The following C2orf68 variants were observed in gnomAD, a reference collection of about 807,000 sequenced individuals.
The protein encoded by C2orf68 is UPF0561 protein C2orf68.
C2orf68 carries 15 observed loss-of-function variants against 19.1 expected under a neutral mutation model. The ratio of observed to expected loss-of-function variants is 0.79; its 90% CI spans 0.53 to 1.21. C2orf68 has a LOEUF of 1.21. Among genes scored for constraint, C2orf68 ranks in the 50% most tolerant of loss-of-function variants. The pLI, the probability that C2orf68 is intolerant of heterozygous loss-of-function variation, is 0.00. For synonymous variants in C2orf68, 98 were observed against 91.0 expected (o/e 1.08, Z -0.44); for missense variants, 242 against 226.6 (o/e 1.07, Z -0.44).
chr2:85,611,814 A>T (rs1368251467), intron 1 of C2orf68, 28 bp from the exon 2 acceptor site: 2 of 1,608,178 alleles, frequency 1.2e-6, no homozygotes, highest in East Asian at 4.5e-5. Flanking sequence ...GGAGTCAGGG[A>T]CTGTCGGGCC....
At chr2:85,610,889 G>A (rs1213400443) in intron 2 of C2orf68, 1 of 151,550 alleles carries the variant, frequency 6.6e-6, no homozygotes, top group Non-Finnish European at 1.5e-5. Context: ...CTCCCGAGTA[G>A]CTGGGACTAC....
In C2orf68 at chr2:85,611,655, C is replaced by G. The variant is rs771022217; in HGVS notation, c.226+13G>C. 1 of 1,557,818 alleles carries G rather than the reference C, an allele frequency of 6.4e-7. No individual in the cohort carries two copies. Among genetic ancestry groups the G allele is most frequent in the Non-Finnish European group, 8.7e-7 (1 of 1,150,912 alleles). The stretch of plus-strand genomic sequence containing the variant: ...GCGCGCGGGCTGGAGGCAGGCGGGG[C>G]GGGCGGCCTCACCTCGGTGTCGCGG... On this transcript the variant is annotated intron_variant, in intron 2 of 3. Transcript: ENST00000306336.
intron 2 of C2orf68, chr2:85,611,126 G>A: frequency 2.5e-6 from 1 of 400,798 alleles, no homozygotes; most frequent in Non-Finnish European, 3.6e-6. Context: ...TGTGGTCCCA[G>A]GTACTCGGGA....
At chr2:85,609,619 G>A (rs200832393) in intron 2 of C2orf68, 33 bp from the exon 3 acceptor site, 12 of 1,612,548 alleles carry the variant, frequency 7.4e-6, no homozygotes, top group East Asian at 2.2e-5. Flanking sequence ...GAAAGAAGAG[G>A]GGGGGTGCTG....
chr2:85,608,701 CAAAAAAAAA>C lies in C2orf68; in HGVS notation c.*235_*243del, dbSNP rs5832651. On this transcript the variant is annotated 3_prime_UTR_variant, in exon 4 of 4. Transcript: ENST00000306336. ...GAACACATTAGCCACACAAAATCCT[CAAAAAAAAA>C]AAAAAAAAAAAAAAAAAAAGAATTC... 36 of 55,448 alleles carry C rather than the reference CAAAAAAAAA, an allele frequency of 6.5e-4. No homozygotes were observed. Among genetic ancestry groups the C allele is most frequent in the Middle Eastern group, 7.5e-3 (1 of 134 alleles). 3.4% of individuals were successfully genotyped at this position (55,448 alleles called of 1,614,324 possible).
At chr2:85,609,367 CAG>C in intron 3 of C2orf68, 66 bp downstream of exon 3, 2 of 1,570,822 alleles carry the variant, frequency 1.3e-6, no homozygotes, top group Non-Finnish European at 1.7e-6. Flanking sequence ...AAACAGGGCT[CAG>C]GGTCTGACAA....
rs1168978266 is a variant in C2orf68 at position 85,611,725 on chromosome 2, G to C, written c.169C>G (p.Pro57Ala). 1.2e-6 allele frequency: 2 copies of C among 1,604,964 alleles called. No homozygotes were observed. Among genetic ancestry groups the C allele is most frequent in the African/African-American group, 1.3e-5 (1 of 74,796 alleles). ...AKEKVRRRHTPAPTRPRKPDL... is the reference protein window; with the variant it reads ...AKEKVRRRHTAAPTRPRKPDL... ...GGCTTGCGGGGCCGCGTCGGCGCGG[G>C]CGTGTGCCGCCTCCTCACCTTCTCC... Residue 57 changes from proline to alanine, a missense_variant, in exon 2 of 4, where the codon CCC becomes GCC. Physicochemically the swap from Pro to Ala is conservative, Grantham distance 27 (BLOSUM62 -1). Coordinates refer to ENST00000306336, the MANE Select transcript of C2orf68 (RefSeq NM_001013649.4).
Position 85,612,061 on chromosome 2 carries a change from C to A in C2orf68, c.-77G>T. On this transcript the variant is annotated 5_prime_UTR_variant, in exon 1 of 4. Coordinates refer to ENST00000306336, the MANE Select transcript of C2orf68 (RefSeq NM_001013649.4). ...CACCCGCCCACAGAGCTCCGCGCCG[C>A]CCCTTGCTCAGCTTCCGGCCCCGCA... The A allele has an allele frequency of 8.6e-7, 1 of 1,168,144 alleles. No individual in the cohort carries two copies. 72.4% of individuals were successfully genotyped at this position (1,168,144 alleles called of 1,614,324 possible).
intron 3 of C2orf68, 134 bp from the exon 4 acceptor site, chr2:85,609,201 C>T (rs1034502921): frequency 7.5e-6 from 10 of 1,333,484 alleles, no homozygotes; most frequent in African/African-American, 7.3e-5. Flanking sequence ...TCCTATGTGT[C>T]TCCTGTAATA....
At position 85,607,773 on chromosome 2, in the gene C2orf68, G is replaced by C. The variant is rs1673270612; in HGVS notation, c.*1172C>G. 1 of 152,218 alleles carries C rather than the reference G, an allele frequency of 6.6e-6. No homozygotes were observed. The highest frequency in any genetic ancestry group is 2.4e-5 in the African/African-American group (1 of 41,450). The allele number at this position is 152,218 out of a possible 1,614,324, so 9.4% of individuals were successfully genotyped here. A position where few individuals can be genotyped will look rare whatever the true frequency, so the allele number is the denominator to read the frequency against. ...TATTTCAAGGCACTGAGGTTAGGCT[G>C]ATATGCTGGAAAACAAGTGCCTTGG... On this transcript the variant is annotated 3_prime_UTR_variant, in exon 4 of 4. Transcript: ENST00000306336.
In C2orf68 at chr2:85,605,804, C is replaced by A. The variant is rs1673191617; in HGVS notation, c.*3141G>T. 1.3e-5 allele frequency among the ~76,000 whole-genome samples: 2 copies of A among 152,342 alleles called. No individual in the cohort carries two copies. The highest frequency in any genetic ancestry group is 4.1e-4 in the South Asian group (2 of 4,828). ...CCTCCCACCTGGATGGGGCCAATCTCTAGTTGACAGTGCCCCTCAGAGTGC... is the reference window on the plus strand; with the variant it reads ...CCTCCCACCTGGATGGGGCCAATCTATAGTTGACAGTGCCCCTCAGAGTGC... On this transcript the variant is annotated 3_prime_UTR_variant, in exon 4 of 4. Coordinates refer to ENST00000306336, the MANE Select transcript of C2orf68 (RefSeq NM_001013649.4).
At chr2:85,609,341 T>G in intron 3 of C2orf68, 94 bp downstream of exon 3, 3 of 1,512,930 alleles carry the variant, frequency 2.0e-6, no homozygotes, top group Non-Finnish European at 1.8e-6. Flanking sequence ...ACGCTTCCCA[T>G]TGGGGGTCCT....
Position 85,608,768 on chromosome 2 carries a change from A to AT in C2orf68, c.*176dup, listed in dbSNP as rs1673316695. On this transcript the variant is annotated 3_prime_UTR_variant, in exon 4 of 4. Coordinates refer to ENST00000306336, the MANE Select transcript of C2orf68 (RefSeq NM_001013649.4). ...TCAGGCTGGGCAAATGGGTCAACAT[A>AT]TAAGAAAGAATGACTGCAAGGCAGG... The AT allele has an allele frequency of 3.5e-6, 2 of 579,250 alleles. No homozygotes were observed. The highest frequency in any genetic ancestry group is 5.6e-6 in the Non-Finnish European group (2 of 354,910). The allele number at this position is 579,250 out of a possible 1,614,324, so 35.9% of individuals were successfully genotyped here. A position where few individuals can be genotyped will look rare whatever the true frequency, so the allele number is the denominator to read the frequency against.
Position 85,611,887 on chromosome 2 carries a change from T to A in C2orf68, c.98A>T (p.Gln33Leu). Residue 33 changes from glutamine to leucine, a missense_variant, in exon 1 of 4, where the codon CAG (glutamine) becomes CTG (leucine). Coordinates refer to ENST00000306336, the MANE Select transcript of C2orf68 (RefSeq NM_001013649.4). ...HGFVHHIRRNQIARDDYDKKV... is the reference protein window; with the variant it reads ...HGFVHHIRRNLIARDDYDKKV... ...CAGGGCGGGGCGGTACCGAGCGATC[T>A]GGTTCCGTCGGATATGGTGCACGAA... The A allele has an allele frequency of 6.3e-7, 1 of 1,596,652 alleles. No individual in the cohort carries two copies. Among genetic ancestry groups the A allele is most frequent in the East Asian group, 2.3e-5 (1 of 44,326 alleles).
At position 85,606,149 on chromosome 2, in the gene C2orf68, T is replaced by C. The variant is rs1240082105; in HGVS notation, c.*2796A>G. Among the ~76,000 whole-genome samples, 2 of 152,244 alleles carry C rather than the reference T, an allele frequency of 1.3e-5. No homozygotes were observed. Among genetic ancestry groups the C allele is most frequent in the East Asian group, 3.8e-4 (2 of 5,202 alleles). The stretch of plus-strand genomic sequence containing the variant: ...CATTCCATATTGAATGGGCATGAGA[T>C]ATGCCTATCAGATTGTGTGTGTGTG... On this transcript the variant is annotated 3_prime_UTR_variant, in exon 4 of 4. Transcript: ENST00000306336.
At chr2:85,609,630 C>T in intron 2 of C2orf68, 44 bp from the exon 3 acceptor site, 1 of 1,610,234 alleles carries the variant, frequency 6.2e-7, no homozygotes, top group East Asian at 2.2e-5. Flanking sequence ...GGGGGTGCTG[C>T]TGAAGGCCCT....
rs766644750 is a variant in C2orf68, at chr2:85,609,603, C to T, written c.227-17G>A. 7 of 1,613,602 alleles carry T rather than the reference C, an allele frequency of 4.3e-6. No homozygotes were observed. The East Asian group carries it at 1.1e-4, about 26-fold the overall frequency. On this transcript the variant is annotated splice_polypyrimidine_tract_variant and intron_variant, in intron 2 of 3. Coordinates refer to ENST00000306336, the MANE Select transcript of C2orf68 (RefSeq NM_001013649.4). ...CAGAGACATCTGGAAGGATGAACCA[C>T]AGTAAGAAAGAAGAGGGGGGGTGCT... is the stretch of plus-strand genomic sequence containing the variant.
In C2orf68 at chr2:85,611,754, G is replaced by C; in HGVS notation, c.140C>G (p.Ala47Gly). The C allele has an allele frequency of 6.2e-7, 1 of 1,611,928 alleles. No homozygotes were observed. The highest frequency in any genetic ancestry group is 1.3e-5 in the African/African-American group (1 of 75,012). Residue 47 changes from alanine (A) to glycine (G), a missense_variant, in exon 2 of 4, where the codon GCC (alanine) becomes GGC (glycine). Ala to Gly is a moderately conservative substitution (Grantham distance 60). Transcript: ENST00000306336. ...DDYDKKVKQA[A>G]KEKVRRRHTP... ...GTGCCGCCTCCTCACCTTCTCCTTGGCCGCCTGCTTCACCTTCTTGTCATA... is the reference window on the plus strand; with the variant it reads ...GTGCCGCCTCCTCACCTTCTCCTTGCCCGCCTGCTTCACCTTCTTGTCATA...
At chr2:85,611,834 C>A in intron 1 of C2orf68, 44 bp downstream of exon 1, 3 of 1,605,788 alleles carry the variant, frequency 1.9e-6, no homozygotes, top group Non-Finnish European at 2.5e-6. Flanking sequence ...CGGGCCAGGC[C>A]AGGCCAGGAG....
Sources: allele counts gnomAD v4.1 joint callset (sites outside exome capture counted in the v4.1 genomes callset), GRCh38; gene constraint gnomAD v4.1.1; transcripts MANE v1.5; gene names NCBI Gene and HGNC (gene_info 2026-07-23, HGNC 2026-07-21).